TMEM45A: variants seen among roughly 807,000 people sequenced by gnomAD.
TMEM45A encodes the protein transmembrane protein 45A, also known as DNA polymerase-transactivated protein 4.
In TMEM45A, 25 loss-of-function variants were observed where a neutral mutation model predicts 32.0. That is an observed-to-expected ratio of 0.78 (90% CI 0.57 to 1.09). The LOEUF (loss-of-function observed/expected upper bound fraction) is 1.09, where lower values mean the gene tolerates loss of function less well. TMEM45A is among the 50% of genes least tolerant of loss of function. TMEM45A has a pLI of 0.00. For missense variants in TMEM45A, 302 were observed against 325.0 expected (o/e 0.93, Z 0.54); for synonymous variants, 122 against 114.8 (o/e 1.06, Z -0.40).
chr3:100,493,120 C>A (rs935948837), intron 1 of TMEM45A, among the ~76,000 whole-genome samples, 192 bp downstream of exon 1: 1 of 115,906 alleles, frequency 8.6e-6, no homozygotes, highest in Non-Finnish European at 1.8e-5. Context: ...GTTTGCTATT[C>A]TTTTTTTTTT....
intron 1 of TMEM45A, among the ~76,000 whole-genome samples, chr3:100,517,867 G>A (rs1397847703): frequency 1.3e-5 from 2 of 152,212 alleles, no homozygotes; most frequent in Non-Finnish European, 2.9e-5. Context: ...GTTCTTACGT[G>A]GCATCCTTTT....
At position 100,563,688 on chromosome 3, in the gene TMEM45A, TTC is replaced by T. The variant is rs1706375757; in HGVS notation, c.588+5105_588+5106del. Reference sequence around the variant, plus strand: ...TGGGAGTTGACTATGTGACTCAATTTTCTCTCTTGTTATTCCAAACAGTGAAC... The same window carrying T: ...TGGGAGTTGACTATGTGACTCAATTTTCTCTTGTTATTCCAAACAGTGAAC... On this transcript the variant is annotated intron_variant, in intron 4 of 5. Transcript: ENST00000323523. Among the ~76,000 whole-genome samples, 3 of 152,338 alleles carry T rather than the reference TTC, an allele frequency of 2.0e-5. No individual in the cohort carries two copies. In the South Asian group the frequency reaches 6.2e-4, roughly 32 times the overall value.
intron 5 of TMEM45A, among the ~76,000 whole-genome samples, chr3:100,575,089 T>G (rs1339161297): frequency 6.6e-6 from 1 of 152,076 alleles, no homozygotes; most frequent in Non-Finnish European, 1.5e-5. Flanking sequence ...ACTGGTGAAA[T>G]TTTTCATTTG....
chr3:100,538,114 T>G (rs1459643372), intron 1 of TMEM45A, among the ~76,000 whole-genome samples: 31 of 152,314 alleles, frequency 2.0e-4, no homozygotes, highest in Admixed American at 1.4e-3. Flanking sequence ...ATTAAAGCAC[T>G]TGGAGGAATT....
In TMEM45A at chr3:100,556,787, G is replaced by A; in HGVS notation, c.218G>A (p.Gly73Glu). Residue 73 changes from glycine to glutamate, a missense_variant, in exon 3 of 6, where the codon GGA (glycine) becomes GAA (glutamate). Transcript: ENST00000323523. ...TGMAGEQFIP[G>E]GPHLMLYDYK... is the part of the protein sequence containing the mutation. ...ATGGCTGGGGAGCAGTTTATTCCTG[G>A]AGGGCCCCATCTGATGTTATATGAC... 6.2e-7 allele frequency: 1 copy of A among 1,613,768 alleles called. No homozygotes were observed. The highest frequency in any genetic ancestry group is 1.7e-5 in the Admixed American group (1 of 59,950).
intron 1 of TMEM45A, among the ~76,000 whole-genome samples, chr3:100,508,873 C>T (rs1333605049): frequency 6.7e-6 from 1 of 149,512 alleles, no homozygotes; most frequent in African/African-American, 2.4e-5. Flanking sequence ...TACTAGAAGA[C>T]AACATAGGGG....
chr3:100,532,935 C>T (rs1436008737), intron 1 of TMEM45A, among the ~76,000 whole-genome samples: 1 of 152,172 alleles, frequency 6.6e-6, no homozygotes, highest in Non-Finnish European at 1.5e-5. Context: ...CCTTTTTGGA[C>T]ATAGACTTGG....
At position 100,568,863 on chromosome 3, in the gene TMEM45A, G is replaced by T; in HGVS notation, c.630G>T (p.Trp210Cys). The change falls in exon 5 of 6, where the codon TGG (tryptophan) becomes TGT (cysteine). Residue 210 changes from tryptophan to cysteine, a missense_variant. Transcript: ENST00000323523. ...ATCCCCCCAGTGGAGGTCCTGCATG[G>T]GATCTGATGGATCATGAAAATATTT... is the stretch of plus-strand genomic sequence containing the variant. ...VLYPPSGGPA[W>C]DLMDHENILF... 1 of 1,613,584 alleles carries T rather than the reference G, an allele frequency of 6.2e-7. No homozygotes were observed. The highest frequency in any genetic ancestry group is 8.5e-7 in the Non-Finnish European group (1 of 1,179,658).
intron 1 of TMEM45A, chr3:100,519,196 A>G (rs762395752): frequency 1.7e-4 from 37 of 214,672 alleles, no homozygotes; most frequent in Non-Finnish European, 3.0e-4. Flanking sequence ...AGCTGTTGCA[A>G]TGTGTATGCT....
rs1194161949 is a variant in TMEM45A at position 100,499,214 on chromosome 3, A to AT, written c.-4+6293dup. Reference sequence around the variant, plus strand: ...AAAATGTTGATGGTCTAATTTCTTTATTTTTTTCTTTTTTGCCTGCACTTT... The same window carrying AT: ...AAAATGTTGATGGTCTAATTTCTTTATTTTTTTTCTTTTTTGCCTGCACTTT... On this transcript the variant is annotated intron_variant, in intron 1 of 5. Coordinates refer to ENST00000323523, the MANE Select transcript of TMEM45A (RefSeq NM_018004.3). Among the ~76,000 whole-genome samples, 34 of 151,818 alleles carry AT rather than the reference A, an allele frequency of 2.2e-4. No individual in the cohort carries two copies. In the Middle Eastern group the frequency reaches 0.014, roughly 61 times the overall value.
At chr3:100,535,409 C>A (rs1481716023) in intron 1 of TMEM45A, among the ~76,000 whole-genome samples, 1 of 152,122 alleles carries the variant, frequency 6.6e-6, no homozygotes, top group Non-Finnish European at 1.5e-5. Flanking sequence ...CACCAAGAGA[C>A]CGAGAGACCA....
intron 1 of TMEM45A, among the ~76,000 whole-genome samples, chr3:100,498,143 G>C (rs1707957740): frequency 6.6e-6 from 1 of 152,124 alleles, no homozygotes; most frequent in Admixed American, 6.5e-5. Flanking sequence ...TCTGTTTCCT[G>C]CCACCATGTG....
At chr3:100,540,558 G>A (rs79366157) in intron 1 of TMEM45A, among the ~76,000 whole-genome samples, 3,542 of 152,248 alleles carry the variant, frequency 0.023, 150 homozygotes, top group African/African-American at 0.081. Context: ...ATGAGAATGC[G>A]GAGAAACAAG....
chr3:100,549,961 T>A (rs1706058683), intron 1 of TMEM45A, among the ~76,000 whole-genome samples: 1 of 148,612 alleles, frequency 6.7e-6, no homozygotes, highest in Admixed American at 6.8e-5. Flanking sequence ...CTTAATCCAG[T>A]CTATCGTTGT....
chr3:100,522,052 A>G (rs1330480147), intron 1 of TMEM45A, among the ~76,000 whole-genome samples: 1 of 152,094 alleles, frequency 6.6e-6, no homozygotes, highest in East Asian at 1.9e-4. Context: ...TCCAATCTAT[A>G]CTTGAAAAGA....
At chr3:100,533,081 T>A (rs1705674916) in intron 1 of TMEM45A, among the ~76,000 whole-genome samples, 1 of 152,116 alleles carries the variant, frequency 6.6e-6, no homozygotes, top group African/African-American at 2.4e-5. Context: ...TAAAATGTCT[T>A]GGTACATAAT....
intron 1 of TMEM45A, among the ~76,000 whole-genome samples, chr3:100,526,613 G>C (rs920087572): frequency 6.6e-6 from 1 of 152,094 alleles, no homozygotes; most frequent in African/African-American, 2.4e-5. Context: ...CTTGGGGTTG[G>C]GTTCTTTAGA....
At chr3:100,497,265 C>A (rs540180618) in intron 1 of TMEM45A, among the ~76,000 whole-genome samples, 3 of 152,160 alleles carry the variant, frequency 2.0e-5, no homozygotes, top group African/African-American at 7.2e-5. Context: ...TCACTTTCCT[C>A]TAGAAGCTTT....
chr3:100,509,759 G>A (rs368006594), intron 1 of TMEM45A, among the ~76,000 whole-genome samples: 28 of 152,230 alleles, frequency 1.8e-4, no homozygotes, highest in African/African-American at 3.4e-4. Flanking sequence ...CAGTGGGTGC[G>A]CGCACCGTGC....
Sources: gnomAD v4.1 joint callset for allele counts (sites outside exome capture counted in the v4.1 genomes callset) on GRCh38, gnomAD v4.1.1 for gene constraint, MANE v1.5 for transcripts, NCBI Gene and HGNC (gene_info 2026-07-23, HGNC 2026-07-21) for gene names.